The following UBR3 variants were observed in gnomAD, a reference collection of about 807,000 sequenced individuals.
UBR3 encodes E3 ubiquitin-protein ligase UBR3.
UBR3 carries 85 observed loss-of-function variants against 243.2 expected under a neutral mutation model. The observed-to-expected ratio is 0.35, with a 90% CI of 0.29 to 0.42. UBR3 has a LOEUF of 0.42. Among genes scored for constraint, UBR3 ranks in the 10% least tolerant of loss-of-function variants. The pLI, the probability that UBR3 is intolerant of heterozygous loss-of-function variation, is 1.00. For missense variants in UBR3, 1,686 were observed against 2,300.8 expected (o/e 0.73, Z 5.47); for synonymous variants, 748 against 799.8 (o/e 0.94, Z 1.09).
intron 32 of UBR3, among the ~76,000 whole-genome samples, chr2:170,053,696 A>G (rs1559220866): frequency 6.6e-6 from 1 of 152,234 alleles, no homozygotes; most frequent in Admixed American, 6.5e-5. Flanking sequence ...GTTGAAACTG[A>G]CGAGAAATAT....
intron 14 of UBR3, 99 bp downstream of exon 14, chr2:169,925,846 C>A: frequency 9.2e-7 from 1 of 1,087,816 alleles, no homozygotes; most frequent in Non-Finnish European, 1.2e-6. Flanking sequence ...CATGGAGAGG[C>A]CAATGCCATT....
chr2:169,920,469 T>TA (rs58208606), intron 11 of UBR3, among the ~76,000 whole-genome samples: 2 of 151,948 alleles, frequency 1.3e-5, no homozygotes, highest in African/African-American at 4.8e-5. Flanking sequence ...AGTATAATAA[T>TA]AAAGTAAAAG....
chr2:169,994,576 A>G (rs948842115), intron 26 of UBR3, 120 bp downstream of exon 26: 1 of 1,139,722 alleles, frequency 8.8e-7, no homozygotes, highest in Non-Finnish European at 1.2e-6. Flanking sequence ...GTTTATTAGA[A>G]AAAAATTAAT....
At chr2:170,036,869 A>G (rs2090845870) in intron 31 of UBR3, among the ~76,000 whole-genome samples, 2 of 152,158 alleles carry the variant, frequency 1.3e-5, no homozygotes, top group African/African-American at 2.4e-5. Context: ...CAGACCTTAT[A>G]TTTCTTATTT....
intron 32 of UBR3, 48 bp from the exon 33 acceptor site, chr2:170,055,412 A>G (rs774202463): frequency 1.8e-5 from 29 of 1,595,858 alleles, no homozygotes; most frequent in Non-Finnish European, 2.2e-5. Flanking sequence ...TATGTTGAGT[A>G]CAAAATATCT....
At chr2:170,051,535 G>A (rs1168750881) in intron 32 of UBR3, among the ~76,000 whole-genome samples, 2 of 152,014 alleles carry the variant, frequency 1.3e-5, no homozygotes, top group South Asian at 2.1e-4. Context: ...TAGTTGAGAC[G>A]AGGTTTCACC....
At position 169,926,734 on chromosome 2, in the gene UBR3, G is replaced by A. The variant is rs775720178; in HGVS notation, c.2194G>A (p.Val732Ile). 2.1e-5 allele frequency: 32 copies of A among 1,549,724 alleles called. No individual in the cohort carries two copies. The highest frequency in any genetic ancestry group is 1.8e-4 in the South Asian group (15 of 83,188). ...TGACCCAGATTATTTTATTTCATCC[G>A]TCTTTGAAAGGTAGGCATAATTTTA... ...RLDPDYFISSVFERFKVVDLL... is the reference protein window; with the variant it reads ...RLDPDYFISSIFERFKVVDLL... The change falls in exon 15 of 39, where the codon GTC (valine) becomes ATC (isoleucine). Residue 732 changes from valine to isoleucine, a missense_variant. Val to Ile is a conservative substitution (Grantham distance 29, BLOSUM62 3). This residue lies in a region of UBR3 where 346 missense variants were observed against 585.8 expected (regional missense o/e 0.59). Coordinates refer to ENST00000272793, the MANE Select transcript of UBR3 (RefSeq NM_172070.4).
chr2:170,034,014 TTTG>T (rs2090756696), intron 31 of UBR3, among the ~76,000 whole-genome samples: 1 of 70,436 alleles, frequency 1.4e-5, no homozygotes. Flanking sequence ...AAGACTTTGG[TTTG>T]TTTTTTTTTT....
At chr2:169,976,673 T>C (rs969425123) in intron 24 of UBR3, among the ~76,000 whole-genome samples, 5 of 152,286 alleles carry the variant, frequency 3.3e-5, no homozygotes, top group African/African-American at 1.2e-4. Flanking sequence ...GCTTTTCTCT[T>C]GCTGTTTTTA....
At chr2:169,933,461 T>C (rs577940140) in intron 19 of UBR3, among the ~76,000 whole-genome samples, 6 of 152,312 alleles carry the variant, frequency 3.9e-5, no homozygotes, top group Admixed American at 3.3e-4. Context: ...TTTAACAAAA[T>C]AGTTTACGGT....
At position 169,969,284 on chromosome 2, in the gene UBR3, AT is replaced by A. The variant is rs2087975042; in HGVS notation, c.3634+10761del. 2.0e-5 allele frequency among the ~76,000 whole-genome samples: 3 copies of A among 152,180 alleles called. No homozygotes were observed. The South Asian group carries it at 6.2e-4, about 31-fold the overall frequency. ...CTTTACTCAGACCAACGCTTTAAGCATTTCCACAGTGGTTTCTTCTAGTAAT... is the reference window on the plus strand; with the variant it reads ...CTTTACTCAGACCAACGCTTTAAGCATTCCACAGTGGTTTCTTCTAGTAAT... On this transcript the variant is annotated intron_variant, in intron 24 of 38. Coordinates refer to ENST00000272793, the MANE Select transcript of UBR3 (RefSeq NM_172070.4).
intron 35 of UBR3, among the ~76,000 whole-genome samples, chr2:170,063,070 G>C (rs578244217): frequency 6.6e-6 from 1 of 152,264 alleles, no homozygotes; most frequent in Non-Finnish European, 1.5e-5. Context: ...TCTAGTATAA[G>C]ACAGATTGTG....
intron 9 of UBR3, 135 bp from the exon 10 acceptor site, chr2:169,905,896 T>C (rs1284221020): frequency 1.6e-5 from 14 of 900,866 alleles, no homozygotes; most frequent in Non-Finnish European, 2.1e-5. Context: ...AGTAATTTAC[T>C]TATTTCTATA....
chr2:170,058,837 G>C (rs539285664), intron 33 of UBR3, among the ~76,000 whole-genome samples: 1 of 152,244 alleles, frequency 6.6e-6, no homozygotes, highest in South Asian at 2.1e-4. Flanking sequence ...CTTAGTCTGG[G>C]ATCCTTGGAT....
At chr2:169,995,755 A>G (rs560507138) in intron 26 of UBR3, among the ~76,000 whole-genome samples, 1 of 152,342 alleles carries the variant, frequency 6.6e-6, no homozygotes, top group Non-Finnish European at 1.5e-5. Context: ...ACTTCTTACA[A>G]ACTTAGTAGT....
chr2:170,015,189 C>A (rs2090199333), intron 29 of UBR3, 92 bp from the exon 30 acceptor site: 3 of 1,080,568 alleles, frequency 2.8e-6, no homozygotes, highest in Middle Eastern at 3.1e-4. Flanking sequence ...AGTTGAAGAA[C>A]TTTATTTTTT....
chr2:169,838,123 G>A (rs945156379), intron 1 of UBR3, among the ~76,000 whole-genome samples: 1 of 152,094 alleles, frequency 6.6e-6, no homozygotes, highest in Non-Finnish European at 1.5e-5. Flanking sequence ...CTGTTAAGAT[G>A]TTGACTGGCA....
chr2:169,890,555 A>ATGTGTGTGTATATATATATG lies in UBR3; in HGVS notation c.1039-609_1039-608insGTGTGTGTATATATATATGT, dbSNP rs1553504487. The stretch of plus-strand genomic sequence containing the variant: ...GAGAGAGAGAGATATATATATATAT[A>ATGTGTGTGTATATATATATG]TATATATATGTGTATATATATATAT... On this transcript the variant is annotated intron_variant, in intron 5 of 38. Coordinates refer to ENST00000272793, the MANE Select transcript of UBR3 (RefSeq NM_172070.4). 2.8e-5 allele frequency among the ~76,000 whole-genome samples: 2 copies of ATGTGTGTGTATATATATATG among 71,442 alleles called. 1 individual carries two copies. Among genetic ancestry groups the ATGTGTGTGTATATATATATG allele is most frequent in the African/African-American group, 1.3e-4 (2 of 14,900 alleles). 46.9% of individuals were successfully genotyped at this position (71,442 alleles called of 152,430 possible). A position where few individuals can be genotyped will look rare whatever the true frequency, so the allele number is the denominator to read the frequency against.
intron 35 of UBR3, among the ~76,000 whole-genome samples, chr2:170,062,177 T>C (rs73019579): frequency 0.043 from 6,528 of 152,340 alleles, 156 homozygotes; most frequent in Middle Eastern, 0.061. Context: ...GAATTATCAC[T>C]GGTTTAATCT....
Sources: gnomAD v4.1 joint callset for allele counts (sites outside exome capture counted in the v4.1 genomes callset) on GRCh38, gnomAD v4.1.1 for gene constraint, gnomAD v4.1.1 regional missense constraint, MANE v1.5 for transcripts, NCBI Gene and HGNC (gene_info 2026-07-23, HGNC 2026-07-21) for gene names.